Variants in SMPD4 observed in about 807,000 individuals in gnomAD.
The protein encoded by SMPD4 is neutral sphingomyelinase 3.
Under a neutral mutation model 97.8 loss-of-function variants are expected in SMPD4, and 58 were observed. The ratio of observed to expected loss-of-function variants is 0.59; its 90% confidence interval spans 0.48 to 0.74. The LOEUF is 0.74. Among genes scored for constraint, SMPD4 ranks in the 30% least tolerant of loss-of-function variants. SMPD4 has a pLI of 0.00. For missense variants in SMPD4, 853 were observed against 1,080.5 expected, an observed-to-expected ratio of 0.79 and a Z score of 2.95; for synonymous variants, 388 against 450.0, an observed-to-expected ratio of 0.86 and a Z score of 1.74.
chr2:130,167,911 GGCATGGGGGTTCACACCTGTGA>G (rs1179169658), intron 8 of SMPD4, among the ~76,000 whole-genome samples: 3 of 152,140 alleles, frequency 2.0e-5, no homozygotes, highest in Non-Finnish European at 4.4e-5. Flanking sequence ...AGTGAGGTTG[GGCATGGGGGTTCACACCTGTGA>G]GCATGGGGGC....
rs1472436790 is a variant in SMPD4, at chr2:130,158,269, T to C, written c.952-873A>G. ...ACTTCCTCTGTTGCCCAGGGACCTG[T>C]GGTCAGGAAAACCCCAAGACAAAAG... On this transcript the variant is annotated intron_variant, in intron 11 of 19. Coordinates refer to ENST00000680298, the MANE Select transcript of SMPD4 (RefSeq NM_017951.5). The C allele has an allele frequency of 2.3e-6, 3 of 1,284,286 alleles. No individual in the cohort carries two copies. The African/African-American group carries it at 4.6e-5, about 20-fold the overall frequency. The allele number at this position is 1,284,286 out of a possible 1,614,324, so 79.6% of individuals were successfully genotyped here. A position where few individuals can be genotyped will look rare whatever the true frequency, so the allele number is the denominator to read the frequency against.
intron 1 of SMPD4, among the ~76,000 whole-genome samples, chr2:130,177,983 G>A (rs1174231325): frequency 6.6e-6 from 1 of 152,160 alleles, no homozygotes; most frequent in African/African-American, 2.4e-5. Context: ...CTAAGTTAGT[G>A]GACCTTAAGT....
At chr2:130,165,108 TAAAAAAAA>T (rs35361623) in intron 9 of SMPD4, among the ~76,000 whole-genome samples, 5 of 61,914 alleles carry the variant, frequency 8.1e-5, no homozygotes, top group Non-Finnish European at 1.2e-4. Context: ...GACTCTGATT[TAAAAAAAA>T]AAAAAAAAAA....
In SMPD4 at chr2:130,155,006, C is replaced by T. The variant is rs905557974; in HGVS notation, c.1453+90G>A. 3.3e-6 allele frequency: 5 copies of T among 1,511,050 alleles called. No homozygotes were observed. In the African/African-American group the frequency reaches 5.5e-5, roughly 17 times the overall value. The allele number at this position is 1,511,050 out of a possible 1,614,324, so 93.6% of individuals were successfully genotyped here. A position where few individuals can be genotyped will look rare whatever the true frequency, so the allele number is the denominator to read the frequency against. On this transcript the variant is annotated intron_variant, in intron 15 of 19. Coordinates refer to ENST00000680298, the MANE Select transcript of SMPD4 (RefSeq NM_017951.5). ...GGGGCCCACTCTGGGCGTGTGGGTC[C>T]CTCTTAAAGACCAGCCACCCCCAGC...
In SMPD4 at chr2:130,156,044, G is replaced by GAC; in HGVS notation, c.1278_1279dup (p.Ser427CysfsTer14). On this transcript the variant is annotated frameshift_variant, in exon 14 of 20. Transcript: ENST00000680298. LOFTEE classifies it high-confidence loss of function. ...AGGAGCTGAGGCTCACCATTTCTCC[G>GAC]ACACACACCGGGGCTGGGAGTCGCT... is the stretch of plus-strand genomic sequence containing the variant. The GAC allele has an allele frequency of 6.2e-7, 1 of 1,611,312 alleles. No homozygotes were observed. Among genetic ancestry groups the GAC allele is most frequent in the Non-Finnish European group, 8.5e-7 (1 of 1,179,754 alleles).
chr2:130,176,667 A>G lies in SMPD4; in HGVS notation c.-45-30T>C, dbSNP rs762778244. On this transcript the variant is annotated intron_variant, in intron 1 of 19. Coordinates refer to ENST00000680298, the MANE Select transcript of SMPD4 (RefSeq NM_017951.5). Reference sequence around the variant, plus strand: ...GGAAAAACAAAGACAAAATCTCAACATCTGTAACACAGCAGAATCTTTTTA... The same window carrying G: ...GGAAAAACAAAGACAAAATCTCAACGTCTGTAACACAGCAGAATCTTTTTA... 12 of 1,528,696 alleles carry G rather than the reference A, an allele frequency of 7.8e-6. No homozygotes were observed. In the South Asian group the frequency reaches 1.0e-4, roughly 13 times the overall value. The allele number at this position is 1,528,696 out of a possible 1,614,324, so 94.7% of individuals were successfully genotyped here.
chr2:130,173,401 G>A lies in SMPD4; in HGVS notation c.270-47C>T, dbSNP rs193246376. Reference sequence around the variant, plus strand: ...CAAACAAAAACAGGGCAAATGAACTGCGAATTATCTTGCTTTGATTGTTTC... The same window carrying A: ...CAAACAAAAACAGGGCAAATGAACTACGAATTATCTTGCTTTGATTGTTTC... On this transcript the variant is annotated intron_variant, in intron 4 of 19. Coordinates refer to ENST00000680298, the MANE Select transcript of SMPD4 (RefSeq NM_017951.5). The A allele has an allele frequency of 1.0e-5, 16 of 1,605,802 alleles. No individual in the cohort carries two copies. The Admixed American group carries it at 2.7e-4, about 27-fold the overall frequency.
chr2:130,173,995 TA>T (rs1177710772), intron 3 of SMPD4, among the ~76,000 whole-genome samples: 7 of 151,102 alleles, frequency 4.6e-5, no homozygotes, highest in South Asian at 4.2e-4. Flanking sequence ...ACAATGAAAA[TA>T]AAAAAATATA....
In SMPD4 at chr2:130,157,410, G is replaced by T. The variant is rs1457851279; in HGVS notation, c.952-14C>A. On this transcript the variant is annotated splice_polypyrimidine_tract_variant and intron_variant, in intron 11 of 19. Coordinates refer to ENST00000680298, the MANE Select transcript of SMPD4 (RefSeq NM_017951.5). ...CGTGAACGACTCCTGGGTGGAGAAGGAGGGGTGAGGGCCTGGGAAGGAGCG... is the reference window on the plus strand; with the variant it reads ...CGTGAACGACTCCTGGGTGGAGAAGTAGGGGTGAGGGCCTGGGAAGGAGCG... 31 of 1,610,760 alleles carry T rather than the reference G, an allele frequency of 1.9e-5. No homozygotes were observed. Among genetic ancestry groups the T allele is most frequent in the Admixed American group, 6.7e-5 (4 of 59,836 alleles).
intron 15 of SMPD4, 104 bp downstream of exon 15, chr2:130,154,992 T>A: frequency 7.0e-7 from 1 of 1,437,070 alleles, no homozygotes; most frequent in East Asian, 2.4e-5. Context: ...GGGCCCACTC[T>A]GGGCGTGTGG....
At chr2:130,176,873 CTA>C (rs1163192829) in intron 1 of SMPD4, among the ~76,000 whole-genome samples, 2 of 152,024 alleles carry the variant, frequency 1.3e-5, no homozygotes, top group Non-Finnish European at 2.9e-5. Context: ...CAGGGTCTCG[CTA>C]TGTTGCCCAG....
chr2:130,180,692 T>C (rs1689487468), intron 1 of SMPD4, among the ~76,000 whole-genome samples: 1 of 152,230 alleles, frequency 6.6e-6, no homozygotes, highest in South Asian at 2.1e-4. Context: ...CTGTGGACTG[T>C]TCGGTAAGTG....
chr2:130,154,243 G>A (rs1452459646), intron 16 of SMPD4, 34 bp downstream of exon 16: 6 of 1,549,198 alleles, frequency 3.9e-6, no homozygotes, highest in Middle Eastern at 4.8e-4. Context: ...ATGGCTCCAG[G>A]GGCCCTGAGG....
chr2:130,181,648 T>C (rs1314645097), upstream of SMPD4: 2 of 1,553,294 alleles, frequency 1.3e-6, no homozygotes, highest in Non-Finnish European at 1.7e-6. Flanking sequence ...GGAAAAGCGC[T>C]TCCACCTCTT....
At position 130,152,485 on chromosome 2, in the gene SMPD4, G is replaced by A. The variant is rs1220472207; in HGVS notation, c.*70C>T. 7.0e-6 allele frequency: 10 copies of A among 1,427,666 alleles called. No individual in the cohort carries two copies. Among genetic ancestry groups the A allele is most frequent in the Non-Finnish European group, 9.3e-6 (10 of 1,070,676 alleles). 88.4% of individuals were successfully genotyped at this position (1,427,666 alleles called of 1,614,324 possible). ...TGTTCCCTCCTGGAGGGGCTTCCCAGGTCCTCTCAGCCCAAGGGTGGGGCT... is the reference window on the plus strand; with the variant it reads ...TGTTCCCTCCTGGAGGGGCTTCCCAAGTCCTCTCAGCCCAAGGGTGGGGCT... On this transcript the variant is annotated 3_prime_UTR_variant, in exon 20 of 20. Coordinates refer to ENST00000680298, the MANE Select transcript of SMPD4 (RefSeq NM_017951.5).
chr2:130,156,210 G>A, intron 13 of SMPD4, 75 bp from the exon 14 acceptor site: 1 of 1,328,012 alleles, frequency 7.5e-7, no homozygotes, highest in Non-Finnish European at 1.1e-6. Context: ...CAGATACCAG[G>A]CGGCAGCTGG....
At chr2:130,173,386 C>T in intron 4 of SMPD4, 32 bp from the exon 5 acceptor site, 1 of 1,609,214 alleles carries the variant, frequency 6.2e-7, no homozygotes, top group Non-Finnish European at 8.5e-7. Flanking sequence ...CAAACAAAAA[C>T]AGGGCAAATG....
rs762837147 is a variant in SMPD4 at position 130,172,751 on chromosome 2, C to T, written c.454+36G>A. The T allele has an allele frequency of 5.0e-6, 8 of 1,614,142 alleles. No individual in the cohort carries two copies. In the Admixed American group the frequency reaches 6.7e-5, roughly 13 times the overall value. On this transcript the variant is annotated intron_variant, in intron 6 of 19. Transcript: ENST00000680298. ...CGCTCAGTGTCAAGTGCTGGGCCACCCACAGCCTCCCTACCTCAGGGCCAC... is the reference window on the plus strand; with the variant it reads ...CGCTCAGTGTCAAGTGCTGGGCCACTCACAGCCTCCCTACCTCAGGGCCAC...
rs751619324 is a variant in SMPD4, at chr2:130,167,491, G to A, written c.759C>T (p.Ser253=). The A allele has an allele frequency of 4.3e-6, 7 of 1,613,804 alleles. No individual in the cohort carries two copies. The highest frequency in any genetic ancestry group is 5.9e-6 in the Non-Finnish European group (7 of 1,179,854). The part of the protein sequence containing the change: ...HQTSVNADPA[S]HEIWRSETLL... Reference sequence around the variant, plus strand: ...GAGTTTCTGACCTCCAGATCTCGTGGGAGGCGGGGTCTGCATTCACAGACG... The same window carrying A: ...GAGTTTCTGACCTCCAGATCTCGTGAGAGGCGGGGTCTGCATTCACAGACG... Residue 253 remains serine (S), a synonymous_variant, in exon 9 of 20, where the codon TCC becomes TCT. Transcript: ENST00000680298.
Sources: allele counts gnomAD v4.1 joint callset (sites outside exome capture counted in the v4.1 genomes callset), GRCh38; gene constraint gnomAD v4.1.1; transcripts MANE v1.5; gene names NCBI Gene and HGNC (gene_info 2026-07-23, HGNC 2026-07-21).